The following PPP1R12A variants were observed in gnomAD, a reference collection of about 807,000 sequenced individuals.
The protein encoded by PPP1R12A is myosin binding subunit.
A neutral mutation model predicts 139.6 loss-of-function variants in PPP1R12A; 19 were observed. The observed-to-expected ratio is 0.14, with a 90% confidence interval of 0.09 to 0.20. PPP1R12A has a LOEUF of 0.20. Among genes scored for constraint, PPP1R12A ranks in the 10% least tolerant of loss-of-function variants. The probability of loss-of-function intolerance (pLI) is 1.00; values close to 1 mark genes in which losing one functional copy is unlikely to be tolerated. For synonymous variants in PPP1R12A, 427 were observed against 420.6 expected (o/e 1.02, Z -0.19); for missense variants, 925 against 1,211.5 (o/e 0.76, Z 3.51).
chr12:79,803,266 G>C (rs1268755631), intron 14 of PPP1R12A, among the ~76,000 whole-genome samples: 2 of 152,068 alleles, frequency 1.3e-5, no homozygotes, highest in African/African-American at 4.8e-5. Context: ...TACCTATCTA[G>C]AGGAGACCTC....
chr12:79,798,547 AT>A lies in PPP1R12A; in HGVS notation c.2037del (p.Glu679AspfsTer21). The A allele has an allele frequency of 6.4e-7, 1 of 1,572,474 alleles. No homozygotes were observed. On this transcript the variant is annotated frameshift_variant, in exon 15 of 25. Coordinates refer to ENST00000450142, the MANE Select transcript of PPP1R12A (RefSeq NM_002480.3). LOFTEE classifies it high-confidence loss of function. ...YLTPVRDEES[E>X]SQRKARSRQA... is the part of the protein sequence containing the mutation. Reference sequence around the variant, plus strand: ...TGTCTAGATCTTGCTTTTCTTTGGGATTCAGACTCTTCATCCCTAACAGGAG... The same window carrying A: ...TGTCTAGATCTTGCTTTTCTTTGGGATCAGACTCTTCATCCCTAACAGGAG...
At chr12:79,901,965 A>G (rs554018626) in intron 1 of PPP1R12A, among the ~76,000 whole-genome samples, 1 of 152,208 alleles carries the variant, frequency 6.6e-6, no homozygotes, top group South Asian at 2.1e-4. Context: ...TTCTATGCAA[A>G]GGGAAAATAT....
chr12:79,814,105 T>G (rs1047474899), intron 9 of PPP1R12A, among the ~76,000 whole-genome samples: 13 of 152,166 alleles, frequency 8.5e-5, no homozygotes, highest in Admixed American at 7.2e-4. Flanking sequence ...TAAAAAATAC[T>G]AATATGCTAA....
At chr12:79,929,765 T>A (rs1474423005) in intron 1 of PPP1R12A, among the ~76,000 whole-genome samples, 1 of 149,872 alleles carries the variant, frequency 6.7e-6, no homozygotes, top group African/African-American at 2.5e-5. Context: ...TGAGACTCCA[T>A]CTCAAAAAAA....
At chr12:79,865,326 A>T (rs1881841714) in intron 2 of PPP1R12A, among the ~76,000 whole-genome samples, 1 of 152,248 alleles carries the variant, frequency 6.6e-6, no homozygotes, top group Non-Finnish European at 1.5e-5. Flanking sequence ...TCTCAAAATA[A>T]TAAAAGCTAT....
rs61530316 is a variant in PPP1R12A, at chr12:79,863,644, CAAAAAAAAAAA to C, written c.368+9153_368+9163del. Among the ~76,000 whole-genome samples the C allele has an allele frequency of 5.2e-4, 29 of 55,334 alleles. 1 individual carries two copies. Among genetic ancestry groups the C allele is most frequent in the African/African-American group, 1.0e-3 (15 of 14,932 alleles). The allele number at this position is 55,334 out of a possible 152,430, so 36.3% of individuals were successfully genotyped here. ...GAAGATCTACCAAGCAAATTGAAAG[CAAAAAAAAAAA>C]AAAAAAAAAAAAAAAAGAGCAGGGG... On this transcript the variant is annotated intron_variant, in intron 2 of 24. Transcript: ENST00000450142.
intron 8 of PPP1R12A, among the ~76,000 whole-genome samples, chr12:79,819,841 G>A (rs1875869022): frequency 6.6e-6 from 1 of 151,972 alleles, no homozygotes; most frequent in Non-Finnish European, 1.5e-5. Flanking sequence ...GAGAAGCTGA[G>A]GAGGATCACT....
intron 1 of PPP1R12A, among the ~76,000 whole-genome samples, chr12:79,931,196 T>C (rs1229578246): frequency 6.6e-6 from 1 of 152,304 alleles, no homozygotes; most frequent in South Asian, 2.1e-4. Context: ...ACTATGAAAA[T>C]CTATATTTGA....
chr12:79,832,759 T>TAA lies in PPP1R12A; in HGVS notation c.488-270_488-269dup, dbSNP rs540434134. ...CTTTCTGATTATTCTTCTTGTTTTT[T>TAA]AAAAATTTGAACATTTCCTAAGGTA... On this transcript the variant is annotated intron_variant, in intron 3 of 24. Transcript: ENST00000450142. 5.1e-3 allele frequency among the ~76,000 whole-genome samples: 774 copies of TAA among 152,264 alleles called. 5 individuals are homozygous for TAA. Among genetic ancestry groups the TAA allele is most frequent in the African/African-American group, 0.018 (734 of 41,562 alleles).
At chr12:79,821,532 T>C (rs1013029596) in intron 6 of PPP1R12A, among the ~76,000 whole-genome samples, 7 of 152,012 alleles carry the variant, frequency 4.6e-5, no homozygotes, top group Admixed American at 2.6e-4. Flanking sequence ...GCGGGAGGAC[T>C]GCCTGAGCTC....
chr12:79,885,178 C>T lies in PPP1R12A; in HGVS notation c.238-12240G>A, dbSNP rs74636095. 6.1e-3 allele frequency among the ~76,000 whole-genome samples: 935 copies of T among 152,084 alleles called. 9 individuals carry two copies. The highest frequency in any genetic ancestry group is 0.021 in the African/African-American group (865 of 41,490). ...AGAGCCAGACTGTCTGGAATTAATCCAGTTCTGCCATTTACTGGTTGGGTG... is the reference window on the plus strand; with the variant it reads ...AGAGCCAGACTGTCTGGAATTAATCTAGTTCTGCCATTTACTGGTTGGGTG... On this transcript the variant is annotated intron_variant, in intron 1 of 24. Transcript: ENST00000450142.
At chr12:79,851,905 G>A (rs949306722) in intron 2 of PPP1R12A, among the ~76,000 whole-genome samples, 8 of 152,082 alleles carry the variant, frequency 5.3e-5, no homozygotes, top group Non-Finnish European at 1.2e-4. Flanking sequence ...TTCTGCTACT[G>A]AGCCTATCAT....
intron 4 of PPP1R12A, among the ~76,000 whole-genome samples, chr12:79,831,718 A>C (rs1877455458): frequency 6.6e-6 from 1 of 152,180 alleles, no homozygotes; most frequent in South Asian, 2.1e-4. Flanking sequence ...TACACAGAAT[A>C]ATTTTCTTCA....
At chr12:79,907,376 A>G (rs943282476) in intron 1 of PPP1R12A, among the ~76,000 whole-genome samples, 5 of 152,116 alleles carry the variant, frequency 3.3e-5, no homozygotes, top group Admixed American at 1.3e-4. Flanking sequence ...ATTGGGGGGG[A>G]AAAACTTCTG....
chr12:79,916,030 T>C (rs1328562973), intron 1 of PPP1R12A, among the ~76,000 whole-genome samples: 7 of 133,428 alleles, frequency 5.2e-5, no homozygotes, highest in Non-Finnish European at 6.2e-5. Context: ...CATAACTTGT[T>C]TTCAGAAAAC....
intron 14 of PPP1R12A, among the ~76,000 whole-genome samples, chr12:79,805,296 T>C (rs1033978432): frequency 6.6e-6 from 1 of 152,220 alleles, no homozygotes; most frequent in South Asian, 2.1e-4. Flanking sequence ...CAGTTCTTCA[T>C]CAAAAAATTT....
At position 79,843,761 on chromosome 12, in the gene PPP1R12A, T is replaced by C. The variant is rs1879057229; in HGVS notation, c.487+1541A>G. Among the ~76,000 whole-genome samples the C allele has an allele frequency of 1.3e-5, 2 of 151,266 alleles. 1 individual carries two copies. Among genetic ancestry groups the C allele is most frequent in the South Asian group, 4.2e-4 (2 of 4,794 alleles). ...CTCTGTTCTCAAGGCTGGAGTGCAG[T>C]GGTGCAATCTCAGCTCACTGCGACC... On this transcript the variant is annotated intron_variant, in intron 3 of 24. Coordinates refer to ENST00000450142, the MANE Select transcript of PPP1R12A (RefSeq NM_002480.3).
rs758358620 is a variant in PPP1R12A, at chr12:79,817,366, A to G, written c.1239+28T>C. ...AGTGGTACATAAATAGAATACATGT[A>G]TTTTCAGCAAATACAATTTTGGCTT... On this transcript the variant is annotated intron_variant, in intron 9 of 24. Transcript: ENST00000450142. 24 of 1,600,192 alleles carry G rather than the reference A, an allele frequency of 1.5e-5. No homozygotes were observed. The South Asian group carries it at 2.7e-4, about 18-fold the overall frequency.
chr12:79,805,350 C>A (rs1055894438), intron 14 of PPP1R12A, among the ~76,000 whole-genome samples: 5 of 152,052 alleles, frequency 3.3e-5, no homozygotes, highest in Non-Finnish European at 7.4e-5. Context: ...TTTAAGAAAA[C>A]AACTGTCTTG....
Sources: allele counts gnomAD v4.1 joint callset (sites outside exome capture counted in the v4.1 genomes callset), GRCh38; gene constraint gnomAD v4.1.1; transcripts MANE v1.5; gene names NCBI Gene and HGNC (gene_info 2026-07-23, HGNC 2026-07-21).